TEPSIN: variants seen among roughly 807,000 people sequenced by gnomAD.
TEPSIN encodes AP-4 complex accessory subunit tepsin.
Under a neutral mutation model 48.5 loss-of-function variants are expected in TEPSIN, and 50 were observed. The ratio of observed to expected loss-of-function variants is 1.03; its 90% CI spans 0.82 to 1.31. The LOEUF is 1.31. TEPSIN is among the 50% of genes most tolerant of loss of function. TEPSIN has a pLI of 0.00. For missense variants in TEPSIN, 838 were observed against 815.9 expected (o/e 1.03, Z -0.33); for synonymous variants, 392 against 358.8 (o/e 1.09, Z -1.05).
chr17:81,231,745 T>C (rs897462053), intron 9 of TEPSIN, 54 bp from the exon 10 acceptor site: 3 of 1,606,910 alleles, frequency 1.9e-6, no homozygotes, highest in Non-Finnish European at 1.7e-6. Flanking sequence ...CCCCCACTCC[T>C]GTCTCGCATG....
chr17:81,238,988 G>A lies in TEPSIN; in HGVS notation c.46C>T (p.Arg16Trp). ...PLRDRLSFLH[R>W]LPILLKGTSD... The stretch of plus-strand genomic sequence containing the variant: ...CCGGGCGGACCGCCCTCACTCACCC[G>A]GTGTAGAAAGCTCAGGCGGTCCCGT... The change falls in exon 1 of 13, where the codon CGG becomes TGG. Residue 16 changes from arginine (R) to tryptophan (W), a missense_variant and splice_region_variant. Transcript: ENST00000637944. 6.7e-7 allele frequency: 1 copy of A among 1,481,798 alleles called. No homozygotes were observed. Among genetic ancestry groups the A allele is most frequent in the Non-Finnish European group, 8.9e-7 (1 of 1,122,104 alleles). The allele number at this position is 1,481,798 out of a possible 1,614,324, so 91.8% of individuals were successfully genotyped here. A position where few individuals can be genotyped will look rare whatever the true frequency, so the allele number is the denominator to read the frequency against.
At chr17:81,238,235 C>T in intron 1 of TEPSIN, 1 of 939,614 alleles carries the variant, frequency 1.1e-6, no homozygotes, top group Non-Finnish European at 1.3e-6. Context: ...CACTGTTTGC[C>T]CACCACGCCC....
chr17:81,231,469 G>T lies in TEPSIN; in HGVS notation c.1027C>A (p.Leu343Met). 6.4e-7 allele frequency: 1 copy of T among 1,569,252 alleles called. No individual in the cohort carries two copies. Among genetic ancestry groups the T allele is most frequent in the Non-Finnish European group, 8.6e-7 (1 of 1,157,100 alleles). ...EAQHFIKACGLLNCEAVLQLL... is the reference protein window; with the variant it reads ...EAQHFIKACGMLNCEAVLQLL... The stretch of plus-strand genomic sequence containing the variant: ...TGCAGCACGGCCTCACAGTTGAGCA[G>T]TCCACACCTGCACAGAGGGGACACC... The change falls in exon 11 of 13, where the codon CTG (leucine) becomes ATG (methionine). Residue 343 changes from leucine (L) to methionine (M), a missense_variant. Leu to Met is a conservative substitution (Grantham distance 15). Transcript: ENST00000637944.
At chr17:81,237,658 A>T (rs2062748841) in intron 1 of TEPSIN, 199 bp from the exon 2 acceptor site, 4 of 626,760 alleles carry the variant, frequency 6.4e-6, no homozygotes, top group Non-Finnish European at 1.1e-5. Flanking sequence ...AGGGATGAAC[A>T]GCCTCGGAGA....
intron 12 of TEPSIN, chr17:81,229,737 G>C: frequency 1.9e-6 from 1 of 522,474 alleles, no homozygotes; most frequent in Non-Finnish European, 3.4e-6. Flanking sequence ...CTCACTACTA[G>C]ACAAATGGAC....
chr17:81,231,063 A>G, intron 11 of TEPSIN: 1 of 507,848 alleles, frequency 2.0e-6, no homozygotes, highest in Admixed American at 3.8e-5. Context: ...ACACGTGTCC[A>G]CACTTTCATG....
chr17:81,238,579 A>T (rs1287543473), intron 1 of TEPSIN: 6 of 1,061,806 alleles, frequency 5.7e-6, no homozygotes, highest in Middle Eastern at 4.2e-4. Flanking sequence ...GTGCCTCTCC[A>T]GGACCGGAGT....
In TEPSIN at chr17:81,231,007, C is replaced by G. The variant is rs543599248; in HGVS notation, c.1099-329G>C. The G allele has an allele frequency of 4.4e-5, 22 of 499,342 alleles. No individual in the cohort carries two copies. The South Asian group carries it at 5.5e-4, about 13-fold the overall frequency. 30.9% of individuals were successfully genotyped at this position (499,342 alleles called of 1,614,324 possible). A position where few individuals can be genotyped will look rare whatever the true frequency, so the allele number is the denominator to read the frequency against. ...GCGAGAAGCACGTGACCTGCTGCCC[C>G]GATTGCCTTACCTTCATTCCTCCGC... On this transcript the variant is annotated intron_variant, in intron 11 of 12. Coordinates refer to ENST00000637944, the MANE Select transcript of TEPSIN (RefSeq NM_001363764.2).
chr17:81,233,354 C>A lies in TEPSIN; in HGVS notation c.526+78G>T. 1.3e-6 allele frequency: 2 copies of A among 1,516,332 alleles called. No homozygotes were observed. The highest frequency in any genetic ancestry group is 8.9e-7 in the Non-Finnish European group (1 of 1,119,618). The allele number at this position is 1,516,332 out of a possible 1,614,324, so 93.9% of individuals were successfully genotyped here. A position where few individuals can be genotyped will look rare whatever the true frequency, so the allele number is the denominator to read the frequency against. ...GGGGGACAGCAGCTACTAGATGGGG[C>A]GGCATGGTCCGGCCCCCACCACCTC... is the stretch of plus-strand genomic sequence containing the variant. On this transcript the variant is annotated intron_variant, in intron 7 of 12. Transcript: ENST00000637944. The surrounding 1 kb of genome is among the most constrained non-coding windows in gnomAD (Gnocchi z 5.8).
chr17:81,231,078 T>A (rs950066523), intron 11 of TEPSIN: 3 of 505,452 alleles, frequency 5.9e-6, no homozygotes, highest in African/African-American at 5.9e-5. Flanking sequence ...TTCATGTGCA[T>A]GCACACACAC....
At chr17:81,232,550 G>A (rs749666214) in intron 7 of TEPSIN, 32 bp from the exon 8 acceptor site, 64 of 1,506,760 alleles carry the variant, frequency 4.2e-5, no homozygotes, top group Middle Eastern at 2.3e-4. Flanking sequence ...TGGGACGGCC[G>A]CCCAGTGCGG....
At chr17:81,236,862 C>A (rs757707724) in intron 3 of TEPSIN, 61 bp from the exon 4 acceptor site, 103 of 1,540,014 alleles carry the variant, frequency 6.7e-5, no homozygotes, top group Middle Eastern at 1.9e-4. Context: ...CAGGGCAGGG[C>A]CCGGGGGCAC....
Position 81,228,505 on chromosome 17 carries a change from C to T in TEPSIN, c.*423G>A. 3 of 283,014 alleles carry T rather than the reference C, an allele frequency of 1.1e-5. No homozygotes were observed. The highest frequency in any genetic ancestry group is 9.7e-5 in the South Asian group (3 of 31,076). The allele number at this position is 283,014 out of a possible 1,614,324, so 17.5% of individuals were successfully genotyped here. On this transcript the variant is annotated 3_prime_UTR_variant, in exon 13 of 13. Coordinates refer to ENST00000637944, the MANE Select transcript of TEPSIN (RefSeq NM_001363764.2). ...GGACAAGACACCCTCAACCCACATG[C>T]ACCAAACCCAGCCTCAGCACCTAGC... is the stretch of plus-strand genomic sequence containing the variant.
At chr17:81,238,287 G>T in intron 1 of TEPSIN, 2 of 491,438 alleles carry the variant, frequency 4.1e-6, no homozygotes, top group Non-Finnish European at 5.3e-6. Context: ...GCTGACAACT[G>T]CAGAACGCAG....
rs370463080 is a variant in TEPSIN at position 81,235,310 on chromosome 17, G to A, written c.308-1262C>T. Among the ~76,000 whole-genome samples, 29 of 152,270 alleles carry A rather than the reference G, an allele frequency of 1.9e-4. No individual in the cohort carries two copies. In the South Asian group the frequency reaches 5.2e-3, roughly 27 times the overall value. Reference sequence around the variant, plus strand: ...CTGCGTTTTCTTTCCTCTTTCTGACGCTCTGCGCGCGTGGGGCAGGCCATC... The same window carrying A: ...CTGCGTTTTCTTTCCTCTTTCTGACACTCTGCGCGCGTGGGGCAGGCCATC... On this transcript the variant is annotated intron_variant, in intron 4 of 12. Coordinates refer to ENST00000637944, the MANE Select transcript of TEPSIN (RefSeq NM_001363764.2).
At chr17:81,229,671 T>G in intron 12 of TEPSIN, 195 bp from the exon 13 acceptor site, 1 of 624,154 alleles carries the variant, frequency 1.6e-6, no homozygotes. Context: ...GCTGCTGGGC[T>G]GGTGCTGGCG....
Position 81,229,306 on chromosome 17 carries a change from C to G in TEPSIN, c.1404G>C (p.Ser468=). The G allele has an allele frequency of 1.3e-6, 2 of 1,571,324 alleles. No homozygotes were observed. Among genetic ancestry groups the G allele is most frequent in the Admixed American group, 1.9e-5 (1 of 53,736 alleles). ...FLQPLSSTPV[S]SRSPAPSSGM... ...CAGATGAGGGAGCAGGGCTCCGGGA[C>G]GAGACCGGGGTTGAACTCAGAGGCT... is the stretch of plus-strand genomic sequence containing the variant. Residue 468 remains serine, a synonymous_variant, in exon 13 of 13, where the codon TCG becomes TCC. Coordinates refer to ENST00000637944, the MANE Select transcript of TEPSIN (RefSeq NM_001363764.2).
chr17:81,231,997 G>A lies in TEPSIN; in HGVS notation c.755C>T (p.Ala252Val), dbSNP rs1360522318. 2.5e-6 allele frequency: 4 copies of A among 1,610,782 alleles called. No individual in the cohort carries two copies. The highest frequency in any genetic ancestry group is 2.7e-5 in the African/African-American group (2 of 74,930). The change falls in exon 9 of 13, where the codon GCC becomes GTC. Residue 252 changes from alanine to valine, a missense_variant. By Grantham distance (64) the Ala-to-Val change is moderately conservative (BLOSUM62 0). Transcript: ENST00000637944. ...GTCCAGCTCATCCCAGCCCCCTCCG[G>A]CCTGCCCAGGCTGATGCCTCACAGC... Reference protein sequence around the residue: ...PRAVRHQPGQAGGGWDELDSG... With the variant: ...PRAVRHQPGQVGGGWDELDSG...
chr17:81,230,539 C>G lies in TEPSIN; in HGVS notation c.1233+5G>C, dbSNP rs1479981747. The G allele has an allele frequency of 6.2e-7, 1 of 1,611,222 alleles. No homozygotes were observed. The highest frequency in any genetic ancestry group is 2.2e-5 in the East Asian group (1 of 44,838). The stretch of plus-strand genomic sequence containing the variant: ...GGTGTGCGTGTGGCCTCCGCAGCTG[C>G]CCACCTTGGTGGCCTTGTTGGTCAC... On this transcript the variant is annotated splice_donor_5th_base_variant and intron_variant, in intron 12 of 12. Coordinates refer to ENST00000637944, the MANE Select transcript of TEPSIN (RefSeq NM_001363764.2). The surrounding 1 kb of genome is among the most constrained non-coding windows in gnomAD (Gnocchi z 4.2).
Sources: gnomAD v4.1 joint callset for allele counts (sites outside exome capture counted in the v4.1 genomes callset) on GRCh38, gnomAD v4.1.1 for gene constraint, Gnocchi (gnomAD v3.1) non-coding constraint, MANE v1.5 for transcripts, NCBI Gene and HGNC (gene_info 2026-07-23, HGNC 2026-07-21) for gene names.